The following RLF variants were observed in gnomAD, a reference collection of about 807,000 sequenced individuals.
RLF encodes zinc finger protein Rlf.
A neutral mutation model predicts 162.9 loss-of-function variants in RLF; 7 were observed. The ratio of observed to expected loss-of-function variants is 0.04; its 90% CI spans 0.02 to 0.08. The LOEUF (loss-of-function observed/expected upper bound fraction) is 0.08. Among genes scored for constraint, RLF ranks in the 10% least tolerant of loss-of-function variants. The pLI is 1.00. For missense variants in RLF, 1,664 were observed against 2,244.7 expected, an observed-to-expected ratio of 0.74 and a Z score of 5.23; for synonymous variants, 782 against 791.5, an observed-to-expected ratio of 0.99 and a Z score of 0.20.
chr1:40,182,957 T>G (rs1642426977), intron 1 of RLF, among the ~76,000 whole-genome samples: 2 of 152,118 alleles, frequency 1.3e-5, no homozygotes, highest in African/African-American at 4.8e-5. Context: ...CTCTCCCCAT[T>G]TCATTTCATC....
Position 40,237,783 on chromosome 1 carries a change from A to G in RLF, c.3081A>G (p.Leu1027=). 5 of 1,614,154 alleles carry G rather than the reference A, an allele frequency of 3.1e-6. No homozygotes were observed. Among genetic ancestry groups the G allele is most frequent in the Non-Finnish European group, 4.2e-6 (5 of 1,180,014 alleles). Residue 1027 remains leucine, a synonymous_variant, in exon 8 of 8, where the codon CTA becomes CTG. Transcript: ENST00000372771. This position sits in a 1 kb window ranked among gnomAD's most constrained non-coding sequence, Gnocchi z 4.4. ...ACAGTGACTCCCCAGATGAAGGTCT[A>G]GATCACAATATTCACATTAAATGTA... The part of the protein sequence containing the change: ...DTNSDSPDEG[L]DHNIHIKCKR...
In RLF at chr1:40,237,568, T is replaced by C. The variant is rs746710270; in HGVS notation, c.2866T>C (p.Cys956Arg). The C allele has an allele frequency of 1.2e-6, 2 of 1,614,060 alleles. No homozygotes were observed. The highest frequency in any genetic ancestry group is 1.7e-6 in the Non-Finnish European group (2 of 1,180,028). The change falls in exon 8 of 8, where the codon TGT becomes CGT. Residue 956 changes from cysteine (C) to arginine (R), a missense_variant. Cys to Arg is a radical substitution (Grantham distance 180). This residue lies in a region of RLF where 295 missense variants were observed against 317.4 expected (regional missense o/e 0.93). Transcript: ENST00000372771. This position sits in a 1 kb window ranked among gnomAD's most constrained non-coding sequence, Gnocchi z 4.4. Reference sequence around the variant, plus strand: ...TTGTTTTGACGGGACTAAGTTTACCTGTGGTTTTGATGGCTGTGGTTCCAC... The same window carrying C: ...TTGTTTTGACGGGACTAAGTTTACCCGTGGTTTTGATGGCTGTGGTTCCAC... Reference protein sequence around the residue: ...AVCFDGTKFTCGFDGCGSTYK... With the variant: ...AVCFDGTKFTRGFDGCGSTYK...
intron 6 of RLF, among the ~76,000 whole-genome samples, chr1:40,224,331 C>T (rs1260585972): frequency 7.6e-6 from 1 of 131,204 alleles, no homozygotes; most frequent in African/African-American, 3.0e-5. Flanking sequence ...TTTTTTGAGA[C>T]GAAGTCTTGC....
chr1:40,188,016 TA>T (rs1642504961), intron 1 of RLF, among the ~76,000 whole-genome samples: 1 of 152,210 alleles, frequency 6.6e-6, no homozygotes. Flanking sequence ...AGGAACTCCC[TA>T]GCCCAGTCAG....
chr1:40,194,016 C>A (rs1642595753), intron 3 of RLF, among the ~76,000 whole-genome samples: 1 of 152,136 alleles, frequency 6.6e-6, no homozygotes, highest in Admixed American at 6.5e-5. Flanking sequence ...TCACCATAAT[C>A]AATAATACTC....
chr1:40,222,782 T>G (rs1490681238), intron 6 of RLF, 72 bp downstream of exon 6: 2 of 1,370,354 alleles, frequency 1.5e-6, no homozygotes, highest in African/African-American at 1.4e-5. Flanking sequence ...TGTAAAATGT[T>G]AATTTGTTTC....
chr1:40,190,717 C>A, intron 2 of RLF, 55 bp from the exon 3 acceptor site: 1 of 1,116,036 alleles, frequency 9.0e-7, no homozygotes, highest in Non-Finnish European at 1.3e-6. Flanking sequence ...TGCTGTCATA[C>A]TCTACTTAAT....
chr1:40,167,096 A>G (rs940728677), intron 1 of RLF, among the ~76,000 whole-genome samples: 1 of 152,242 alleles, frequency 6.6e-6, no homozygotes, highest in African/African-American at 2.4e-5. Context: ...CTACATTCAT[A>G]TAATAATGTA....
At chr1:40,189,288 C>A in intron 2 of RLF, 79 bp downstream of exon 2, 1 of 1,183,436 alleles carries the variant, frequency 8.4e-7, no homozygotes, top group South Asian at 1.4e-5. Flanking sequence ...TTTACAGTGG[C>A]ATCACATTTA....
chr1:40,237,954 A>G lies in RLF; in HGVS notation c.3252A>G (p.Ser1084=). The change falls in exon 8 of 8, where the codon TCA becomes TCG. Residue 1084 remains serine (S), a synonymous_variant. Transcript: ENST00000372771. This position sits in a 1 kb window ranked among gnomAD's most constrained non-coding sequence, Gnocchi z 4.4. ...NSITHGSFSG[S]LQGYPSSGAK... ...TAACACATGGATCTTTCTCAGGGTCATTGCAGGGGTACCCATCCAGTGGTG... is the reference window on the plus strand; with the variant it reads ...TAACACATGGATCTTTCTCAGGGTCGTTGCAGGGGTACCCATCCAGTGGTG... The G allele has an allele frequency of 1.9e-6, 3 of 1,614,156 alleles. No individual in the cohort carries two copies. The highest frequency in any genetic ancestry group is 1.3e-5 in the African/African-American group (1 of 75,068).
Position 40,240,647 on chromosome 1 carries a change from T to TTTTG in RLF, c.*212_*215dup, listed in dbSNP as rs566293677. The TTTTG allele has an allele frequency of 1.3e-5, 7 of 531,032 alleles. No homozygotes were observed. Among genetic ancestry groups the TTTTG allele is most frequent in the African/African-American group, 1.1e-4 (6 of 52,474 alleles). The allele number at this position is 531,032 out of a possible 1,614,324, so 32.9% of individuals were successfully genotyped here. A position where few individuals can be genotyped will look rare whatever the true frequency, so the allele number is the denominator to read the frequency against. ...CAGTTGGTTTAATGATTGGGTTTAT[T>TTTTG]TTTGTTTGTTTGTTTATTAAAAAAA... On this transcript the variant is annotated 3_prime_UTR_variant, in exon 8 of 8. Coordinates refer to ENST00000372771, the MANE Select transcript of RLF (RefSeq NM_012421.4).
chr1:40,225,581 A>AAAAAAAAAAAAAAG, intron 6 of RLF, among the ~76,000 whole-genome samples: 1 of 147,200 alleles, frequency 6.8e-6, no homozygotes, highest in African/African-American at 2.5e-5. Flanking sequence ...TCTGTCTCAA[A>AAAAAAAAAAAAAAG]AAAAAAAAAA....
At chr1:40,176,535 GC>G (rs1642328107) in intron 1 of RLF, among the ~76,000 whole-genome samples, 1 of 152,186 alleles carries the variant, frequency 6.6e-6, no homozygotes, top group South Asian at 2.1e-4. Context: ...TGCCTCCCAG[GC>G]TCAGGTGATT....
At chr1:40,198,373 C>T (rs1037237370) in intron 4 of RLF, among the ~76,000 whole-genome samples, 11 of 149,792 alleles carry the variant, frequency 7.3e-5, no homozygotes, top group South Asian at 2.1e-4. Context: ...GGCGTGATCT[C>T]GGCTCACTGC....
chr1:40,237,699 T>C lies in RLF; in HGVS notation c.2997T>C (p.Asn999=). 1 of 1,614,080 alleles carries C rather than the reference T, an allele frequency of 6.2e-7. No homozygotes were observed. Among genetic ancestry groups the C allele is most frequent in the Non-Finnish European group, 8.5e-7 (1 of 1,179,980 alleles). The change falls in exon 8 of 8, where the codon AAT becomes AAC. Residue 999 remains asparagine (N), a synonymous_variant. Coordinates refer to ENST00000372771, the MANE Select transcript of RLF (RefSeq NM_012421.4). This position sits in a 1 kb window ranked among gnomAD's most constrained non-coding sequence, Gnocchi z 4.4. The part of the protein sequence containing the change: ...KTKDLFPSLG[N]EHNQTTEKLD... ...AAGATCTGTTTCCCTCTTTGGGTAATGAACATAATCAGACAACTGAAAAGT... is the reference window on the plus strand; with the variant it reads ...AAGATCTGTTTCCCTCTTTGGGTAACGAACATAATCAGACAACTGAAAAGT...
At chr1:40,227,934 C>A (rs1279402452) in intron 6 of RLF, among the ~76,000 whole-genome samples, 3 of 151,914 alleles carry the variant, frequency 2.0e-5, no homozygotes, top group African/African-American at 7.3e-5. Flanking sequence ...ACCTGGGTGG[C>A]AGAGGTTGCA....
chr1:40,226,438 A>T (rs965944364), intron 6 of RLF, among the ~76,000 whole-genome samples: 1 of 152,170 alleles, frequency 6.6e-6, no homozygotes, highest in African/African-American at 2.4e-5. Context: ...TATTTGATAG[A>T]CTGGCCTTTG....
At position 40,240,841 on chromosome 1, in the gene RLF, G is replaced by A. The variant is rs1245735590; in HGVS notation, c.*394G>A. ...TACTTGACTTGAATGTGCACCTGAGGGTGCTTTGTGTAATATATTGTACAC... is the reference window on the plus strand; with the variant it reads ...TACTTGACTTGAATGTGCACCTGAGAGTGCTTTGTGTAATATATTGTACAC... On this transcript the variant is annotated 3_prime_UTR_variant, in exon 8 of 8. Transcript: ENST00000372771. 5.5e-6 allele frequency: 1 copy of A among 183,408 alleles called. No individual in the cohort carries two copies. The highest frequency in any genetic ancestry group is 5.5e-5 in the Admixed American group (1 of 18,304). 11.4% of individuals were successfully genotyped at this position (183,408 alleles called of 1,614,324 possible).
At chr1:40,167,914 T>C (rs931679102) in intron 1 of RLF, among the ~76,000 whole-genome samples, 4 of 151,684 alleles carry the variant, frequency 2.6e-5, no homozygotes, top group Non-Finnish European at 5.9e-5. Context: ...TAACTGTCTT[T>C]ATCAAGAAAT....
Sources: allele counts gnomAD v4.1 joint callset (sites outside exome capture counted in the v4.1 genomes callset), GRCh38; gene constraint gnomAD v4.1.1; regional missense constraint gnomAD v4.1.1; non-coding constraint Gnocchi (gnomAD v3.1); transcripts MANE v1.5; gene names NCBI Gene and HGNC (gene_info 2026-07-23, HGNC 2026-07-21).